Variants in AGBL4 observed in about 807,000 individuals in gnomAD.
The protein encoded by AGBL4 is AGBL carboxypeptidase 4, also known as cytosolic carboxypeptidase 6.
In AGBL4, 58 loss-of-function variants were observed where a neutral mutation model predicts 66.4. The ratio of observed to expected loss-of-function variants is 0.87; its 90% CI spans 0.71 to 1.09. The LOEUF is 1.09. Among genes scored for constraint, AGBL4 ranks in the 50% least tolerant of loss-of-function variants. The pLI, the probability that AGBL4 is intolerant of heterozygous loss-of-function variation, is 0.00. For synonymous variants in AGBL4, 234 were observed against 222.9 expected (o/e 1.05, Z -0.44); for missense variants, 579 against 631.0 (o/e 0.92, Z 0.88).
Position 49,481,311 on chromosome 1 carries a change from G to C in AGBL4, c.282+216002C>G, listed in dbSNP as rs756200375. ...TGTGTCATCTCTGATTTGAGTGGTT[G>C]GTTTGTAGTCTCATTGTAGAGAACT... On this transcript the variant is annotated intron_variant, in intron 3 of 13. Coordinates refer to ENST00000371839, the MANE Select transcript of AGBL4 (RefSeq NM_032785.4). Among the ~76,000 whole-genome samples the C allele has an allele frequency of 2.0e-4, 31 of 151,982 alleles. 1 individual carries two copies. The highest frequency in any genetic ancestry group is 2.9e-4 in the African/African-American group (12 of 41,482).
At position 48,708,375 on chromosome 1, in the gene AGBL4, T is replaced by G. The variant is rs183521236; in HGVS notation, c.635-45134A>C. On this transcript the variant is annotated intron_variant, in intron 6 of 13. Transcript: ENST00000371839. ...CTGAAGAGGGATTGACCATTGTGAA[T>G]GAGAGGAGCCGTTGGGGCTTGATGA... 2.0e-5 allele frequency among the ~76,000 whole-genome samples: 3 copies of G among 152,148 alleles called. No individual in the cohort carries two copies. The East Asian group carries it at 5.8e-4, about 30-fold the overall frequency.
rs1231198438 is a variant in AGBL4, at chr1:49,223,664, T to TGTA, written c.377+22103_377+22105dup. Among the ~76,000 whole-genome samples the TGTA allele has an allele frequency of 7.2e-5, 11 of 152,340 alleles. No homozygotes were observed. The East Asian group carries it at 2.1e-3, about 29-fold the overall frequency. Reference sequence around the variant, plus strand: ...TGCGACCCTTCTAAATGCAGGGTCCTGTATGACGGCTCAGGTTGCATGCCC... The same window carrying TGTA: ...TGCGACCCTTCTAAATGCAGGGTCCTGTAGTATGACGGCTCAGGTTGCATGCCC... On this transcript the variant is annotated intron_variant, in intron 4 of 13. Transcript: ENST00000371839.
chr1:49,694,530 C>G (rs1646948345), intron 3 of AGBL4, among the ~76,000 whole-genome samples: 1 of 152,090 alleles, frequency 6.6e-6, no homozygotes. Flanking sequence ...TAGGATAGCA[C>G]TCTATATGCA....
chr1:48,545,866 G>A (rs939142407), intron 11 of AGBL4, among the ~76,000 whole-genome samples: 37 of 152,152 alleles, frequency 2.4e-4, no homozygotes, highest in African/African-American at 8.7e-4. Context: ...GGTAATGAAG[G>A]TTTGAACATT....
At chr1:49,135,427 G>A (rs1293189487) in intron 4 of AGBL4, among the ~76,000 whole-genome samples, 6 of 152,060 alleles carry the variant, frequency 3.9e-5, no homozygotes, top group African/African-American at 1.4e-4. Flanking sequence ...CAGTGCTAGA[G>A]GAATTAAAGA....
intron 11 of AGBL4, among the ~76,000 whole-genome samples, chr1:48,572,803 G>A (rs1341317709): frequency 6.6e-6 from 1 of 152,124 alleles, no homozygotes; most frequent in Non-Finnish European, 1.5e-5. Flanking sequence ...GTGGAAGGGA[G>A]CCTCTCACAG....
intron 3 of AGBL4, among the ~76,000 whole-genome samples, chr1:49,593,823 G>A (rs921971147): frequency 2.0e-5 from 3 of 151,842 alleles, no homozygotes; most frequent in Admixed American, 1.3e-4. Context: ...AAAAATATTA[G>A]GTATTATTAT....
At chr1:48,836,819 A>T (rs1365384179) in intron 6 of AGBL4, among the ~76,000 whole-genome samples, 1 of 152,092 alleles carries the variant, frequency 6.6e-6, no homozygotes, top group Non-Finnish European at 1.5e-5. Context: ...TCAGTGTTTA[A>T]ATAGACTTAG....
chr1:48,643,703 GTCT>G (rs1645793106), intron 8 of AGBL4, among the ~76,000 whole-genome samples: 1 of 152,226 alleles, frequency 6.6e-6, no homozygotes, highest in Non-Finnish European at 1.5e-5. Context: ...AAAAGAATGG[GTCT>G]TCTTCTCCAT....
intron 3 of AGBL4, among the ~76,000 whole-genome samples, chr1:49,412,900 T>C (rs1416749561): frequency 6.6e-6 from 1 of 152,092 alleles, no homozygotes; most frequent in Non-Finnish European, 1.5e-5. Flanking sequence ...GATGGAATAT[T>C]ACCAGGCAAG....
intron 3 of AGBL4, among the ~76,000 whole-genome samples, chr1:49,471,792 T>A (rs778451503): frequency 2.0e-5 from 3 of 151,936 alleles, no homozygotes; most frequent in Non-Finnish European, 2.9e-5. Context: ...CCTATTATAC[T>A]CACAGGAACA....
chr1:49,296,882 T>C lies in AGBL4; in HGVS notation c.283-51018A>G, dbSNP rs141971611. ...GTGAAGATTCTAGAAAAATATGTTG[T>C]TGCTTTTGCAGAAGATAATAGGACC... is the stretch of plus-strand genomic sequence containing the variant. On this transcript the variant is annotated intron_variant, in intron 3 of 13. Coordinates refer to ENST00000371839, the MANE Select transcript of AGBL4 (RefSeq NM_032785.4). 1.7e-3 allele frequency among the ~76,000 whole-genome samples: 256 copies of C among 152,354 alleles called. 1 individual carries two copies. The highest frequency in any genetic ancestry group is 6.0e-3 in the African/African-American group (250 of 41,590).
At chr1:49,431,706 C>T (rs553570816) in intron 3 of AGBL4, among the ~76,000 whole-genome samples, 41 of 151,850 alleles carry the variant, frequency 2.7e-4, no homozygotes, top group African/African-American at 9.4e-4. Flanking sequence ...ATAAACATTC[C>T]GTGGAGAAAT....
intron 3 of AGBL4, among the ~76,000 whole-genome samples, chr1:49,596,038 G>A (rs959600509): frequency 3.3e-5 from 5 of 152,074 alleles, no homozygotes; most frequent in Non-Finnish European, 5.9e-5. Context: ...AGAGAGGCAG[G>A]TTCTAAACAC....
intron 4 of AGBL4, among the ~76,000 whole-genome samples, chr1:49,180,699 G>T (rs1646915642): frequency 6.6e-6 from 1 of 152,172 alleles, no homozygotes; most frequent in Non-Finnish European, 1.5e-5. Flanking sequence ...TGAGAAGGGG[G>T]TGGCAACAAG....
At chr1:48,878,263 C>T (rs934024684) in intron 5 of AGBL4, among the ~76,000 whole-genome samples, 1 of 152,106 alleles carries the variant, frequency 6.6e-6, no homozygotes, top group African/African-American at 2.4e-5. Context: ...AAGTAGCTCA[C>T]AGCAGCTCCA....
chr1:48,882,204 T>C (rs1290397826), intron 5 of AGBL4, among the ~76,000 whole-genome samples: 1 of 152,220 alleles, frequency 6.6e-6, no homozygotes, highest in East Asian at 1.9e-4. Context: ...CCTAATGTGA[T>C]CATGCTGCCC....
At chr1:48,948,951 C>A (rs767089069) in intron 5 of AGBL4, among the ~76,000 whole-genome samples, 7 of 152,122 alleles carry the variant, frequency 4.6e-5, no homozygotes, top group Non-Finnish European at 8.8e-5. Context: ...GTATTGTGCA[C>A]TCACTCTGTG....
intron 1 of AGBL4, among the ~76,000 whole-genome samples, chr1:49,958,585 A>G (rs1186951940): frequency 6.6e-6 from 1 of 151,896 alleles, no homozygotes; most frequent in African/African-American, 2.4e-5. Flanking sequence ...TCAGCAAACT[A>G]TCACAAGGAG....
Sources: gnomAD v4.1 joint callset for allele counts (sites outside exome capture counted in the v4.1 genomes callset) on GRCh38, gnomAD v4.1.1 for gene constraint, MANE v1.5 for transcripts, NCBI Gene and HGNC (gene_info 2026-07-23, HGNC 2026-07-21) for gene names.